The following PES1 variants were observed in gnomAD, a reference collection of about 807,000 sequenced individuals.
PES1 encodes pescadillo homolog.
Under a neutral mutation model 77.1 loss-of-function variants are expected in PES1, and 31 were observed. The ratio of observed to expected loss-of-function variants is 0.40; its 90% CI spans 0.30 to 0.54. PES1 has a LOEUF of 0.54. Ranked by LOEUF, PES1 falls within the 20% of genes least tolerant of loss-of-function variation. The pLI is 0.45. For synonymous variants in PES1, 282 were observed against 303.0 expected (o/e 0.93, Z 0.72); for missense variants, 658 against 771.7 (o/e 0.85, Z 1.75).
chr22:30,596,818 T>C (rs4820877), upstream of PES1, among the ~76,000 whole-genome samples: 25,568 of 152,238 alleles, frequency 0.17, 2,261 homozygotes, highest in African/African-American at 0.19. Context: ...CTGGGCTGGC[T>C]GAGGCCGGAG....
chr22:30,597,159 G>C (rs552569751), intron 2 of PES1, among the ~76,000 whole-genome samples: 1 of 152,108 alleles, frequency 6.6e-6, no homozygotes, highest in South Asian at 2.1e-4. Flanking sequence ...GCCGCTGTGG[G>C]CTCCGGCACA....
intron 2 of PES1, among the ~76,000 whole-genome samples, chr22:30,597,876 A>ATTTT (rs1210779167): frequency 4.8e-5 from 6 of 125,162 alleles, no homozygotes; most frequent in African/African-American, 1.2e-4. Context: ...ACGCAGTTGA[A>ATTTT]GTTTTGTTTT....
chr22:30,580,485 C>G, intron 10 of PES1, 86 bp downstream of exon 10: 3 of 1,526,430 alleles, frequency 2.0e-6, no homozygotes, highest in Non-Finnish European at 2.7e-6. Context: ...TGACACCATC[C>G]CAATGTTACC....
upstream of PES1, among the ~76,000 whole-genome samples, chr22:30,593,950 AC>A (rs1489644418): frequency 6.6e-6 from 1 of 152,112 alleles, no homozygotes; most frequent in Non-Finnish European, 1.5e-5. Flanking sequence ...ATGTTATGTG[AC>A]TCCAGGATAA....
chr22:30,588,305 G>A (rs2087123795), intron 2 of PES1, 131 bp from the exon 3 acceptor site: 2 of 965,842 alleles, frequency 2.1e-6, no homozygotes, highest in Non-Finnish European at 3.1e-6. Flanking sequence ...TCACATCCTA[G>A]TACATGAGTC....
At chr22:30,596,861 G>A (rs1248564435), upstream of PES1, among the ~76,000 whole-genome samples, 1 of 152,206 alleles carries the variant, frequency 6.6e-6, no homozygotes, top group Non-Finnish European at 1.5e-5. Flanking sequence ...AGGTGTGGAG[G>A]GAGAGGCACG....
intron 1 of PES1, among the ~76,000 whole-genome samples, chr22:30,590,396 G>A (rs2087158966): frequency 6.6e-6 from 1 of 152,190 alleles, no homozygotes; most frequent in Non-Finnish European, 1.5e-5. Context: ...AGACAAACCT[G>A]TTAGTCTCCC....
In PES1 at chr22:30,584,213, T is replaced by C. The variant is rs2087032433; in HGVS notation, c.630+152A>G. Reference sequence around the variant, plus strand: ...AGGCTCCCGCTCTTAATGAGGATGCTGTGTGGCACATTCTGCCGCGCCTCA... The same window carrying C: ...AGGCTCCCGCTCTTAATGAGGATGCCGTGTGGCACATTCTGCCGCGCCTCA... On this transcript the variant is annotated intron_variant, in intron 6 of 14. Transcript: ENST00000354694. The C allele has an allele frequency of 1.5e-5, 10 of 650,960 alleles. No individual in the cohort carries two copies. In the South Asian group the frequency reaches 1.6e-4, roughly 11 times the overall value. 40.3% of individuals were successfully genotyped at this position (650,960 alleles called of 1,614,324 possible).
At position 30,585,221 on chromosome 22, in the gene PES1, T is replaced by C. The variant is rs1486164387; in HGVS notation, c.369-504A>G. 8.5e-6 allele frequency: 4 copies of C among 470,806 alleles called. No homozygotes were observed. In the East Asian group the frequency reaches 2.8e-4, roughly 33 times the overall value. The allele number at this position is 470,806 out of a possible 1,614,324, so 29.2% of individuals were successfully genotyped here. On this transcript the variant is annotated intron_variant, in intron 4 of 14. Transcript: ENST00000354694. ...CAGCGTAGGTTATGTCTTCCATGCC[T>C]CTCATCCCTTGGACATGTCTAGTTG... is the stretch of plus-strand genomic sequence containing the variant.
Position 30,587,393 on chromosome 22 carries a change from C to T in PES1, c.261G>A (p.Val87=), listed in dbSNP as rs959113399. Residue 87 remains valine (V), a splice_region_variant and synonymous_variant, in exon 4 of 15, where the codon GTG becomes GTA. Transcript: ENST00000354694. ...PIVNKFREYK[V]FVRKLRKAYG... ...AAGCCTTCCGGAGCTTCCGGACGAACACCTGGAAGAAAGAAAGAAAACACC... is the reference window on the plus strand; with the variant it reads ...AAGCCTTCCGGAGCTTCCGGACGAATACCTGGAAGAAAGAAAGAAAACACC... 4.3e-6 allele frequency: 7 copies of T among 1,611,960 alleles called. No individual in the cohort carries two copies. The highest frequency in any genetic ancestry group is 5.9e-6 in the Non-Finnish European group (7 of 1,178,260).
intron 2 of PES1, among the ~76,000 whole-genome samples, chr22:30,603,069 C>A (rs2087382476): frequency 6.6e-6 from 1 of 151,902 alleles, no homozygotes; most frequent in Non-Finnish European, 1.5e-5. Flanking sequence ...CACCACCAGG[C>A]GCAGCTAATT....
intron 2 of PES1, among the ~76,000 whole-genome samples, chr22:30,597,828 C>T (rs2087279536): frequency 6.6e-6 from 1 of 151,742 alleles, no homozygotes; most frequent in Non-Finnish European, 1.5e-5. Flanking sequence ...AAGCAGGCTG[C>T]CCGACTCAGC....
upstream of PES1, among the ~76,000 whole-genome samples, chr22:30,594,681 A>C (rs1038183326): frequency 1.3e-5 from 2 of 152,020 alleles, no homozygotes; most frequent in African/African-American, 4.8e-5. Context: ...AAAAAAAAAA[A>C]AAACACAGCC....
At position 30,599,330 on chromosome 22, in the gene PES1, A is replaced by G. The variant is rs539650036; in HGVS notation, c.-661+6131T>C. ...GTTTTTTTACATGTGTCTCTGCTAG[A>G]TACTTTAAGGGTGTTGGGGGTTTGG... On this transcript the variant is annotated intron_variant, in intron 2 of 16. Transcript: ENST00000402281. Among the ~76,000 whole-genome samples, 179 of 152,240 alleles carry G rather than the reference A, an allele frequency of 1.2e-3. 1 individual carries two copies. Among genetic ancestry groups the G allele is most frequent in the African/African-American group, 4.0e-3 (168 of 41,552 alleles).
At chr22:30,593,559 G>A (rs148234636), upstream of PES1, among the ~76,000 whole-genome samples, 4 of 152,212 alleles carry the variant, frequency 2.6e-5, no homozygotes, top group East Asian at 5.8e-4. Flanking sequence ...GCTCATGAGG[G>A]CAACACAGGA....
At chr22:30,585,288 C>T (rs1433798914) in intron 4 of PES1, 3 of 471,364 alleles carry the variant, frequency 6.4e-6, no homozygotes, top group African/African-American at 6.0e-5. Context: ...CAGGAAGAGC[C>T]AGAGCAGAAT....
In PES1 at chr22:30,583,873, G is replaced by C. The variant is rs568408240; in HGVS notation, c.630+492C>G. ...GTCCCCGAGTCCTGTGGGGCAGAGA[G>C]GCAGGAAGGGGGAAGCAGAGAAGGG... On this transcript the variant is annotated intron_variant, in intron 6 of 14. Coordinates refer to ENST00000354694, the MANE Select transcript of PES1 (RefSeq NM_014303.4). Among the ~76,000 whole-genome samples, 6 of 152,390 alleles carry C rather than the reference G, an allele frequency of 3.9e-5. 1 individual carries two copies. In the South Asian group the frequency reaches 1.2e-3, roughly 32 times the overall value.
intron 14 of PES1, 25 bp from the exon 15 acceptor site, chr22:30,577,154 G>A (rs1337919839): frequency 1.2e-6 from 2 of 1,605,046 alleles, no homozygotes; most frequent in Non-Finnish European, 8.5e-7. Context: ...GCGAAGGTCA[G>A]GCTGAGGTAT....
At chr22:30,596,598 T>G (rs1215527382), upstream of PES1, among the ~76,000 whole-genome samples, 3 of 152,232 alleles carry the variant, frequency 2.0e-5, no homozygotes, top group Non-Finnish European at 4.4e-5. Flanking sequence ...TAAATAAAGT[T>G]TAGCCATGTA....
Sources: gnomAD v4.1 joint callset for allele counts (sites outside exome capture counted in the v4.1 genomes callset) on GRCh38, gnomAD v4.1.1 for gene constraint, MANE v1.5 for transcripts, NCBI Gene and HGNC (gene_info 2026-07-23, HGNC 2026-07-21) for gene names.